Variants in TLN2 observed in about 807,000 individuals in gnomAD.
TLN2 encodes talin-2.
In TLN2, 118 loss-of-function variants were observed where a neutral mutation model predicts 294.7. The observed-to-expected ratio is 0.40, with a 90% CI of 0.34 to 0.47. The LOEUF (loss-of-function observed/expected upper bound fraction) is 0.47. TLN2 is among the 20% of genes least tolerant of loss of function. TLN2 has a pLI of 0.84. For synonymous variants in TLN2, 1,431 were observed against 1,304.5 expected (o/e 1.10, Z -2.09); for missense variants, 3,083 against 3,282.2 (o/e 0.94, Z 1.48).
At chr15:62,503,591 C>T (rs920343877) in intron 1 of TLN2, among the ~76,000 whole-genome samples, 2 of 152,238 alleles carry the variant, frequency 1.3e-5, no homozygotes, top group African/African-American at 4.8e-5. Context: ...CCTGTCTCTT[C>T]TTGGAAATTC....
At chr15:62,693,077 C>A (rs2058051422) in intron 13 of TLN2, 136 bp downstream of exon 13, 1 of 649,954 alleles carries the variant, frequency 1.5e-6, no homozygotes, top group Non-Finnish European at 2.6e-6. Context: ...CGCCTGTAAT[C>A]CCAACACTTC....
chr15:62,818,057 G>A (rs568685171), intron 52 of TLN2, among the ~76,000 whole-genome samples: 229 of 152,084 alleles, frequency 1.5e-3, no homozygotes, highest in African/African-American at 5.3e-3. Context: ...TGATCTACCC[G>A]CCCGAGCCTC....
chr15:62,582,247 C>CAT lies in TLN2; in HGVS notation c.-237-7439_-237-7438dup, dbSNP rs1555435563. On this transcript the variant is annotated intron_variant, in intron 1 of 58. Transcript: ENST00000636159. ...ACACACACACACACACACACACACA[C>CAT]ATTCATGCCTGACCCATTCCTGACC... is the stretch of plus-strand genomic sequence containing the variant. Among the ~76,000 whole-genome samples the CAT allele has an allele frequency of 4.5e-3, 464 of 103,202 alleles. 7 individuals are homozygous for CAT. Among genetic ancestry groups the CAT allele is most frequent in the African/African-American group, 0.016 (442 of 27,840 alleles). 67.7% of individuals were successfully genotyped at this position (103,202 alleles called of 152,430 possible).
At chr15:62,638,686 C>A in intron 3 of TLN2, 15 of 453,066 alleles carry the variant, frequency 3.3e-5, no homozygotes, top group South Asian at 2.3e-4. Flanking sequence ...TGGGCACTCT[C>A]TTTGGTTCTT....
intron 1 of TLN2, among the ~76,000 whole-genome samples, chr15:62,417,754 G>T (rs1234454753): frequency 6.6e-6 from 1 of 152,224 alleles, no homozygotes; most frequent in African/African-American, 2.4e-5. Context: ...AACAGTGCCT[G>T]TGGACCAGGG....
intron 1 of TLN2, among the ~76,000 whole-genome samples, chr15:62,582,195 TACACACACACACACACACACACAC>T (rs67748452): frequency 9.0e-5 from 6 of 66,498 alleles, no homozygotes; most frequent in African/African-American, 3.4e-4. Context: ...TGTGTATGCA[TACACACACACACACACACACACAC>T]ACACACACAC....
chr15:62,747,880 A>G (rs2061701596), intron 32 of TLN2, among the ~76,000 whole-genome samples: 2 of 152,202 alleles, frequency 1.3e-5, no homozygotes, highest in African/African-American at 4.8e-5. Context: ...GAGAAAATGT[A>G]CTTTTCACTA....
chr15:62,603,100 G>A (rs2047138994), intron 2 of TLN2, among the ~76,000 whole-genome samples: 1 of 151,768 alleles, frequency 6.6e-6, no homozygotes, highest in Non-Finnish European at 1.5e-5. Flanking sequence ...CACCGTGTTA[G>A]CCAGGATGGT....
At chr15:62,472,821 A>G (rs1405629383) in intron 1 of TLN2, among the ~76,000 whole-genome samples, 1 of 152,192 alleles carries the variant, frequency 6.6e-6, no homozygotes, top group Non-Finnish European at 1.5e-5. Flanking sequence ...AATGAGCAGA[A>G]TTCCCCTGAG....
At chr15:62,447,344 A>T (rs1160399503) in intron 1 of TLN2, among the ~76,000 whole-genome samples, 1 of 152,058 alleles carries the variant, frequency 6.6e-6, no homozygotes, top group East Asian at 1.9e-4. Flanking sequence ...TGGGTTGCAC[A>T]GTGGGAGAGG....
At position 62,820,580 on chromosome 15, in the gene TLN2, A is replaced by G; in HGVS notation, c.6972A>G (p.Leu2324=). The part of the protein sequence containing the change: ...AASIEAAAKK[L]EQLKPRAKPK... ...CCATCGAAGCTGCTGCTAAGAAGTT[A>G]GAGCAACTGAAGCCAAGAGCAAAAC... Residue 2324 remains leucine, a synonymous_variant, in exon 54 of 59, where the codon TTA becomes TTG. Coordinates refer to ENST00000636159, the MANE Select transcript of TLN2 (RefSeq NM_015059.3). The G allele has an allele frequency of 6.2e-7, 1 of 1,613,898 alleles. No homozygotes were observed. Among genetic ancestry groups the G allele is most frequent in the Non-Finnish European group, 8.5e-7 (1 of 1,179,872 alleles).
chr15:62,528,879 C>A (rs933379925), intron 1 of TLN2, among the ~76,000 whole-genome samples: 1 of 152,116 alleles, frequency 6.6e-6, no homozygotes, highest in Non-Finnish European at 1.5e-5. Flanking sequence ...TTCTGTACTT[C>A]ACACACCTTA....
rs60573464 is a variant in TLN2 at position 62,802,411 on chromosome 15, TACACAC to T, written c.6477+1664_6477+1669del. On this transcript the variant is annotated intron_variant, in intron 50 of 58. Transcript: ENST00000636159. The stretch of plus-strand genomic sequence containing the variant: ...ATGAATGGACACACATATACAATGG[TACACAC>T]ACACACACACACACACACACATATA... Among the ~76,000 whole-genome samples, 110 of 149,678 alleles carry T rather than the reference TACACAC, an allele frequency of 7.3e-4. 1 individual carries two copies. The highest frequency in any genetic ancestry group is 5.1e-3 in the East Asian group (26 of 5,094).
chr15:62,717,105 G>C (rs1036396522), intron 23 of TLN2, among the ~76,000 whole-genome samples: 1 of 152,138 alleles, frequency 6.6e-6, no homozygotes, highest in Non-Finnish European at 1.5e-5. Context: ...CTTGGACAAA[G>C]ACAAGAGGGT....
At chr15:62,779,391 A>AC (rs1307587349) in intron 43 of TLN2, among the ~76,000 whole-genome samples, 2 of 152,230 alleles carry the variant, frequency 1.3e-5, no homozygotes, top group East Asian at 3.8e-4. Flanking sequence ...AAACAAACAA[A>AC]AACTGTGCCA....
At chr15:62,440,893 T>C (rs2035511937) in intron 1 of TLN2, among the ~76,000 whole-genome samples, 1 of 152,196 alleles carries the variant, frequency 6.6e-6, no homozygotes, top group Non-Finnish European at 1.5e-5. Flanking sequence ...CAAATACTGC[T>C]CTGAAGGAAG....
chr15:62,694,334 T>C lies in TLN2; in HGVS notation c.1234T>C (p.Phe412Leu). The change falls in exon 14 of 59, where the codon TTT becomes CTT. Residue 412 changes from phenylalanine to leucine, a missense_variant. Physicochemically the swap from Phe to Leu is conservative, Grantham distance 22 (BLOSUM62 0). Coordinates refer to ENST00000636159, the MANE Select transcript of TLN2 (RefSeq NM_015059.3). ...ILKKKQSKDR[F>L]GLEGDEESTM... The stretch of plus-strand genomic sequence containing the variant: ...TTTCCAGAAACAAAGTAAAGATCGA[T>C]TTGGACTAGAAGGTGATGAGGAGTC... 6.2e-7 allele frequency: 1 copy of C among 1,614,120 alleles called. No individual in the cohort carries two copies. The highest frequency in any genetic ancestry group is 2.2e-5 in the East Asian group (1 of 44,882).
At chr15:62,795,803 A>G (rs1329135509) in intron 46 of TLN2, among the ~76,000 whole-genome samples, 1 of 152,232 alleles carries the variant, frequency 6.6e-6, no homozygotes, top group Non-Finnish European at 1.5e-5. Flanking sequence ...AGTACTTACT[A>G]TGTGCCAAAT....
At chr15:62,641,095 C>T (rs926894217) in intron 3 of TLN2, among the ~76,000 whole-genome samples, 1 of 151,998 alleles carries the variant, frequency 6.6e-6, no homozygotes, top group Non-Finnish European at 1.5e-5. Context: ...AGCCACTGCA[C>T]CCAGCCCACA....
Sources: gnomAD v4.1 joint callset for allele counts (sites outside exome capture counted in the v4.1 genomes callset) on GRCh38, gnomAD v4.1.1 for gene constraint, MANE v1.5 for transcripts, NCBI Gene and HGNC (gene_info 2026-07-23, HGNC 2026-07-21) for gene names.